Variants in GLG1 observed in about 807,000 individuals in gnomAD.
GLG1 encodes the protein golgi glycoprotein 1, also known as Golgi apparatus protein 1.
A neutral mutation model predicts 160.5 loss-of-function variants in GLG1; 38 were observed. The ratio of observed to expected loss-of-function variants is 0.24; its 90% confidence interval spans 0.18 to 0.31. The LOEUF (loss-of-function observed/expected upper bound fraction) is 0.31. GLG1 is among the 10% of genes least tolerant of loss of function. The probability of loss-of-function intolerance (pLI) is 1.00; values close to 1 mark genes in which losing one functional copy is unlikely to be tolerated. For missense variants in GLG1, 1,373 were observed against 1,505.2 expected (o/e 0.91, Z 1.45); for synonymous variants, 644 against 543.4 (o/e 1.19, Z -2.57).
At chr16:74,536,244 C>A (rs1193179171) in intron 1 of GLG1, among the ~76,000 whole-genome samples, 1 of 152,118 alleles carries the variant, frequency 6.6e-6, no homozygotes, top group Non-Finnish European at 1.5e-5. Flanking sequence ...ACTTTAAGTG[C>A]AGACAGGCTC....
At chr16:74,469,891 A>G (rs1387338884) in intron 16 of GLG1, 94 bp downstream of exon 16, 1 of 824,094 alleles carries the variant, frequency 1.2e-6, no homozygotes, top group Non-Finnish European at 2.2e-6. Flanking sequence ...TAACCCCACG[A>G]GGCAGCAGGA....
chr16:74,480,264 G>A lies in GLG1; in HGVS notation c.1804C>T (p.Arg602Cys). The A allele has an allele frequency of 1.9e-6, 3 of 1,611,664 alleles. No homozygotes were observed. The highest frequency in any genetic ancestry group is 2.5e-6 in the Non-Finnish European group (3 of 1,177,808). Reference sequence around the variant, plus strand: ...ACCCTCCTTCCCTGTTCCTCAGTGCGGTAGGCGTGTCTGTATAAACAAGAG... The same window carrying A: ...ACCCTCCTTCCCTGTTCCTCAGTGCAGTAGGCGTGTCTGTATAAACAAGAG... ...VFSCLYRHAY[R>C]TEEQGRRLSR... Residue 602 changes from arginine to cysteine, a missense_variant, in exon 11 of 26, where the codon CGC becomes TGC. Arg to Cys is a radical substitution (Grantham distance 180). This residue lies in a region of GLG1 where 386 missense variants were observed against 388.5 expected (regional missense o/e 0.99). Coordinates refer to ENST00000422840, the MANE Select transcript of GLG1 (RefSeq NM_001145667.2).
intron 2 of GLG1, among the ~76,000 whole-genome samples, chr16:74,511,209 T>C (rs930299637): frequency 6.6e-6 from 1 of 152,092 alleles, no homozygotes; most frequent in Non-Finnish European, 1.5e-5. Context: ...AAAAAGTACA[T>C]TAGAAATGAC....
rs2014359416 is a variant in GLG1, at chr16:74,452,574, C to T, written c.*593G>A. On this transcript the variant is annotated 3_prime_UTR_variant, in exon 26 of 26. Transcript: ENST00000422840. ...CTCAGCAGAAGAAAGCAGGACCCCA[C>T]ACAGCCTGGGGAACGGCTGCCCACC... 4.0e-6 allele frequency: 4 copies of T among 1,002,536 alleles called. No individual in the cohort carries two copies. The highest frequency in any genetic ancestry group is 4.8e-6 in the Non-Finnish European group (4 of 839,616). 62.1% of individuals were successfully genotyped at this position (1,002,536 alleles called of 1,614,324 possible). A position where few individuals can be genotyped will look rare whatever the true frequency, so the allele number is the denominator to read the frequency against.
Position 74,471,302 on chromosome 16 carries a change from T to A in GLG1, c.2116-16A>T, listed in dbSNP as rs1206864192. 5 of 1,323,982 alleles carry A rather than the reference T, an allele frequency of 3.8e-6. No homozygotes were observed. The highest frequency in any genetic ancestry group is 5.5e-6 in the Non-Finnish European group (5 of 915,312). The allele number at this position is 1,323,982 out of a possible 1,614,324, so 82.0% of individuals were successfully genotyped here. A position where few individuals can be genotyped will look rare whatever the true frequency, so the allele number is the denominator to read the frequency against. The stretch of plus-strand genomic sequence containing the variant: ...CTGCCACATCCTGGGGAAGACAGCA[T>A]GCATTTACACTTCATTGGTAACAAT... On this transcript the variant is annotated splice_polypyrimidine_tract_variant and intron_variant, in intron 14 of 25. Transcript: ENST00000422840.
intron 1 of GLG1, among the ~76,000 whole-genome samples, chr16:74,538,211 T>C (rs986377611): frequency 1.3e-5 from 2 of 150,396 alleles, no homozygotes; most frequent in African/African-American, 4.9e-5. Flanking sequence ...ACAGTATCAG[T>C]GCTTTTACAG....
At chr16:74,542,442 C>G (rs988973585) in intron 1 of GLG1, among the ~76,000 whole-genome samples, 1 of 151,758 alleles carries the variant, frequency 6.6e-6, no homozygotes, top group African/African-American at 2.4e-5. Context: ...CTGAGGCGGG[C>G]GGATCACCTG....
At chr16:74,499,337 C>T (rs1221050337) in intron 4 of GLG1, among the ~76,000 whole-genome samples, 3 of 152,262 alleles carry the variant, frequency 2.0e-5, no homozygotes, top group African/African-American at 4.8e-5. Context: ...AGCTCCTGGG[C>T]TCAAGTGATT....
intron 4 of GLG1, among the ~76,000 whole-genome samples, chr16:74,502,774 GT>G (rs1326511219): frequency 1.6e-5 from 2 of 128,930 alleles, no homozygotes; most frequent in Admixed American, 1.8e-4. Flanking sequence ...GTTTCACCGT[GT>G]TAGCCAGGAT....
chr16:74,542,095 G>T (rs2143655659), intron 1 of GLG1, among the ~76,000 whole-genome samples: 2 of 148,354 alleles, frequency 1.3e-5, no homozygotes, highest in East Asian at 3.9e-4. Flanking sequence ...GTAGCAATCT[G>T]CCCTCTTAGA....
chr16:74,505,414 T>C (rs1023242340), intron 3 of GLG1, among the ~76,000 whole-genome samples: 6 of 152,212 alleles, frequency 3.9e-5, no homozygotes, highest in African/African-American at 1.2e-4. Context: ...AAGTAAGTTT[T>C]TGTGATGCCT....
intron 1 of GLG1, among the ~76,000 whole-genome samples, chr16:74,575,727 T>C (rs116363167): frequency 1.3e-3 from 192 of 152,328 alleles, no homozygotes; most frequent in African/African-American, 4.3e-3. Context: ...GCTTCCGCAG[T>C]AGCTCGCTCT....
At chr16:74,520,493 G>A (rs2143551041) in intron 2 of GLG1, among the ~76,000 whole-genome samples, 1 of 152,276 alleles carries the variant, frequency 6.6e-6, no homozygotes, top group South Asian at 2.1e-4. Context: ...AAAATTAGCT[G>A]GGCGTGGTGG....
chr16:74,557,565 C>T (rs905298415), intron 1 of GLG1, among the ~76,000 whole-genome samples: 14 of 152,082 alleles, frequency 9.2e-5, no homozygotes, highest in Admixed American at 1.3e-4. Flanking sequence ...CTAGTCCAGA[C>T]GCAGAAGATT....
chr16:74,545,023 T>C (rs1452788860), intron 1 of GLG1, among the ~76,000 whole-genome samples: 1 of 84,350 alleles, frequency 1.2e-5, no homozygotes, highest in Non-Finnish European at 2.3e-5. Context: ...ACTTCAGGAA[T>C]AAGTTTGCAG....
chr16:74,488,339 T>A (rs1174888153), intron 8 of GLG1, among the ~76,000 whole-genome samples: 2 of 151,956 alleles, frequency 1.3e-5, no homozygotes, highest in Non-Finnish European at 2.9e-5. Context: ...CCCAGTAGTT[T>A]GAGAACAGCC....
intron 1 of GLG1, among the ~76,000 whole-genome samples, chr16:74,556,705 A>G (rs7201105): frequency 0.67 from 99,989 of 148,522 alleles, 33,882 homozygotes; most frequent in East Asian, 0.81. Context: ...TATTTTATAT[A>G]TACATAATTT....
intron 2 of GLG1, among the ~76,000 whole-genome samples, chr16:74,516,651 G>A (rs558282791): frequency 5.9e-5 from 9 of 152,228 alleles, no homozygotes; most frequent in African/African-American, 2.2e-4. Context: ...AAGAACTAGA[G>A]AAGCAAGAGC....
At position 74,606,928 on chromosome 16, in the gene GLG1, C is replaced by T; in HGVS notation, c.167G>A (p.Gly56Asp). 6.2e-7 allele frequency: 1 copy of T among 1,607,882 alleles called. No individual in the cohort carries two copies. Among genetic ancestry groups the T allele is most frequent in the Non-Finnish European group, 8.5e-7 (1 of 1,178,612 alleles). ...GGGCAGCTGCTGACCCGCCGGGCCG[C>T]CGCCTCCGGCCTGCCCTACGAAGGA... ...FVSFVGQAGG[G>D]GPAGQQLPQL... Residue 56 changes from glycine to aspartate, a missense_variant, in exon 1 of 26, where the codon GGC becomes GAC. Gly to Asp is a moderately conservative substitution (Grantham distance 94, BLOSUM62 -1). This residue lies in a region of GLG1 where 322 missense variants were observed against 254.6 expected (regional missense o/e 1.26). Transcript: ENST00000422840.
Sources: gnomAD v4.1 joint callset for allele counts (sites outside exome capture counted in the v4.1 genomes callset) on GRCh38, gnomAD v4.1.1 for gene constraint, gnomAD v4.1.1 regional missense constraint, MANE v1.5 for transcripts, NCBI Gene and HGNC (gene_info 2026-07-23, HGNC 2026-07-21) for gene names.